The following OSBPL8 variants were observed in gnomAD, a reference collection of about 807,000 sequenced individuals.
OSBPL8 encodes oxysterol binding protein like 8, also known as oxysterol-binding protein-related protein 8.
Under a neutral mutation model 125.5 loss-of-function variants are expected in OSBPL8, and 59 were observed. The observed-to-expected ratio is 0.47, with a 90% CI of 0.38 to 0.58. The LOEUF (loss-of-function observed/expected upper bound fraction) is 0.58, where lower values mean the gene tolerates loss of function less well. Ranked by LOEUF, OSBPL8 falls within the 20% of genes least tolerant of loss-of-function variation. The pLI, the probability that OSBPL8 is intolerant of heterozygous loss-of-function variation, is 0.00. For missense variants in OSBPL8, 758 were observed against 1,047.8 expected (o/e 0.72, Z 3.82); for synonymous variants, 330 against 338.9 (o/e 0.97, Z 0.29).
chr12:76,461,868 T>G (rs1217464370), intron 2 of OSBPL8, among the ~76,000 whole-genome samples: 1 of 152,194 alleles, frequency 6.6e-6, no homozygotes, highest in Non-Finnish European at 1.5e-5. Context: ...TCTGAGATAA[T>G]AAATGCTTGT....
At chr12:76,463,805 G>A (rs1875040282) in intron 2 of OSBPL8, among the ~76,000 whole-genome samples, 1 of 152,152 alleles carries the variant, frequency 6.6e-6, no homozygotes, top group Non-Finnish European at 1.5e-5. Flanking sequence ...TGGGAAACAG[G>A]ATATAAGTAA....
intron 18 of OSBPL8, among the ~76,000 whole-genome samples, chr12:76,372,938 C>T (rs1952675048): frequency 6.6e-6 from 1 of 152,184 alleles, no homozygotes; most frequent in South Asian, 2.1e-4. Flanking sequence ...GTTCCACTAC[C>T]TACTTTGAGC....
At chr12:76,539,163 A>G (rs1950574848) in intron 1 of OSBPL8, among the ~76,000 whole-genome samples, 1 of 151,986 alleles carries the variant, frequency 6.6e-6, no homozygotes, top group Non-Finnish European at 1.5e-5. Flanking sequence ...GAGAAAAAAA[A>G]AAGACAGATA....
intron 2 of OSBPL8, among the ~76,000 whole-genome samples, chr12:76,461,756 G>C (rs1488838381): frequency 6.6e-6 from 1 of 152,022 alleles, no homozygotes; most frequent in Non-Finnish European, 1.5e-5. Context: ...TTTCAGTTGA[G>C]ACTGCAGCAA....
intron 1 of OSBPL8, among the ~76,000 whole-genome samples, chr12:76,559,148 C>T (rs866199954): frequency 1.3e-5 from 2 of 152,190 alleles, no homozygotes; most frequent in South Asian, 4.1e-4. Flanking sequence ...AACAGCCTCC[C>T]ACCCCCGTTC....
intron 3 of OSBPL8, among the ~76,000 whole-genome samples, chr12:76,458,048 G>T (rs1281859741): frequency 6.6e-6 from 1 of 151,508 alleles, no homozygotes; most frequent in Non-Finnish European, 1.5e-5. Context: ...AGGAGGATCG[G>T]ATCGCTTGAG....
intron 3 of OSBPL8, among the ~76,000 whole-genome samples, chr12:76,459,441 T>A (rs1490366792): frequency 6.6e-6 from 1 of 152,152 alleles, no homozygotes. Context: ...ATACCCAAAG[T>A]ATAAAACAAT....
intron 1 of OSBPL8, among the ~76,000 whole-genome samples, chr12:76,529,635 T>G (rs1013439530): frequency 5.3e-5 from 8 of 152,108 alleles, no homozygotes; most frequent in African/African-American, 1.7e-4. Flanking sequence ...TGTGAAAAAC[T>G]GAAGAAGCTA....
chr12:76,492,782 T>C (rs940865106), intron 1 of OSBPL8, among the ~76,000 whole-genome samples: 1 of 152,016 alleles, frequency 6.6e-6, no homozygotes, highest in African/African-American at 2.4e-5. Context: ...TTATGGTGAG[T>C]TGTATAATTA....
chr12:76,388,104 T>C (rs1001273564), intron 12 of OSBPL8, among the ~76,000 whole-genome samples: 3 of 152,246 alleles, frequency 2.0e-5, no homozygotes, highest in African/African-American at 4.8e-5. Flanking sequence ...GATCAGTTTA[T>C]GGAATTCTTC....
intron 21 of OSBPL8, among the ~76,000 whole-genome samples, chr12:76,364,422 T>C (rs568002031): frequency 2.0e-5 from 3 of 152,304 alleles, no homozygotes; most frequent in East Asian, 3.9e-4. Flanking sequence ...ATACCGCATG[T>C]TCTTACTCAT....
intron 5 of OSBPL8, 49 bp from the exon 6 acceptor site, chr12:76,402,815 A>C (rs927072438): frequency 2.5e-6 from 3 of 1,194,494 alleles, no homozygotes. Context: ...GATTTTCTAC[A>C]CGTCGCATAA....
At position 76,375,276 on chromosome 12, in the gene OSBPL8, T is replaced by C; in HGVS notation, c.1824A>G (p.Leu608=). 6.3e-7 allele frequency: 1 copy of C among 1,596,500 alleles called. No individual in the cohort carries two copies. The highest frequency in any genetic ancestry group is 8.6e-7 in the Non-Finnish European group (1 of 1,165,328). ...ACCTACTGTATTGTCTACTAACCTTTAGTTTAAATTCAAGTATTGCACTGT... is the reference window on the plus strand; with the variant it reads ...ACCTACTGTATTGTCTACTAACCTTCAGTTTAAATTCAAGTATTGCACTGT... ...TGYSAILEFK[L]KPFLGSSDCV... is the part of the protein sequence containing the mutation. The change falls in exon 17 of 24, where the codon CTA becomes CTG. Residue 608 remains leucine, a synonymous_variant. Transcript: ENST00000261183.
chr12:76,529,357 T>A (rs1950270365), intron 1 of OSBPL8, among the ~76,000 whole-genome samples: 1 of 152,118 alleles, frequency 6.6e-6, no homozygotes, highest in Non-Finnish European at 1.5e-5. Context: ...AACAAATCAG[T>A]TGGTGAGTGG....
chr12:76,474,413 G>A (rs1056969199), intron 2 of OSBPL8, among the ~76,000 whole-genome samples: 6 of 151,610 alleles, frequency 4.0e-5, no homozygotes, highest in African/African-American at 7.3e-5. Flanking sequence ...TTATATATAC[G>A]CACTTGTGTA....
intron 4 of OSBPL8, among the ~76,000 whole-genome samples, chr12:76,421,011 A>AC (rs1869406733): frequency 6.6e-6 from 1 of 152,068 alleles, no homozygotes; most frequent in Non-Finnish European, 1.5e-5. Context: ...GACAAGATAA[A>AC]CTGACAATTT....
intron 1 of OSBPL8, among the ~76,000 whole-genome samples, chr12:76,502,980 T>C (rs1411403900): frequency 6.6e-6 from 1 of 152,226 alleles, no homozygotes; most frequent in Non-Finnish European, 1.5e-5. Context: ...CATTTAAGTA[T>C]TGTTAACTCT....
chr12:76,363,391 C>T (rs901035496), intron 21 of OSBPL8, among the ~76,000 whole-genome samples: 1 of 152,162 alleles, frequency 6.6e-6, no homozygotes, highest in Non-Finnish European at 1.5e-5. Context: ...ACAAACCTGA[C>T]ACAAACTAAC....
chr12:76,418,958 G>T (rs931364005), intron 4 of OSBPL8, among the ~76,000 whole-genome samples: 17 of 151,908 alleles, frequency 1.1e-4, no homozygotes, highest in African/African-American at 4.1e-4. Flanking sequence ...ATATTAGGCT[G>T]GGCATGATGG....
Sources: allele counts gnomAD v4.1 joint callset (sites outside exome capture counted in the v4.1 genomes callset), GRCh38; gene constraint gnomAD v4.1.1; transcripts MANE v1.5; gene names NCBI Gene and HGNC (gene_info 2026-07-23, HGNC 2026-07-21).